The following FHIT variants were observed in gnomAD, a reference collection of about 807,000 sequenced individuals.
FHIT encodes bis(5'-adenosyl)-triphosphatase.
A neutral mutation model predicts 17.9 loss-of-function variants in FHIT; 19 were observed. The ratio of observed to expected loss-of-function variants is 1.06; its 90% CI spans 0.74 to 1.56. The LOEUF (loss-of-function observed/expected upper bound fraction) is 1.56, where lower values mean the gene tolerates loss of function less well. Among genes scored for constraint, FHIT ranks in the 40% most tolerant of loss-of-function variants. FHIT has a pLI of 0.00. For synonymous variants in FHIT, 81 were observed against 69.7 expected, an observed-to-expected ratio of 1.16 and a Z score of -0.81; for missense variants, 248 against 189.2, an observed-to-expected ratio of 1.31 and a Z score of -1.82.
At chr3:60,014,226 G>A (rs750899549) in intron 5 of FHIT, 74 bp from the exon 6 acceptor site, 44 of 1,485,594 alleles carry the variant, frequency 3.0e-5, no homozygotes, top group Non-Finnish European at 3.6e-5. Context: ...ATACCCACAG[G>A]ATTGAATCCT....
At chr3:60,917,778 T>G (rs1707082769) in intron 3 of FHIT, among the ~76,000 whole-genome samples, 2 of 152,234 alleles carry the variant, frequency 1.3e-5, no homozygotes, top group African/African-American at 2.4e-5. Context: ...CTTATATCAT[T>G]TAACTCCACT....
chr3:61,204,218 G>A (rs958472126), intron 1 of FHIT, among the ~76,000 whole-genome samples: 4 of 152,152 alleles, frequency 2.6e-5, no homozygotes, highest in Non-Finnish European at 4.4e-5. Flanking sequence ...AATTTACACA[G>A]AATTCAGGCT....
At chr3:60,663,162 C>A (rs13323742) in intron 4 of FHIT, among the ~76,000 whole-genome samples, 2,597 of 29,458 alleles carry the variant, frequency 0.088, 133 homozygotes, top group African/African-American at 0.18. Context: ...AGATATATAT[C>A]TCTTTAATGT....
intron 4 of FHIT, among the ~76,000 whole-genome samples, chr3:60,783,503 G>C (rs1028784955): frequency 6.6e-6 from 1 of 152,204 alleles, no homozygotes; most frequent in South Asian, 2.1e-4. Flanking sequence ...AATAGTGATT[G>C]ATGAGGCCCT....
chr3:60,217,078 G>A (rs2107526991), intron 5 of FHIT, among the ~76,000 whole-genome samples: 1 of 152,302 alleles, frequency 6.6e-6, no homozygotes, highest in African/African-American at 2.4e-5. Flanking sequence ...GCATTAGCAT[G>A]TTGAATAATT....
intron 3 of FHIT, among the ~76,000 whole-genome samples, chr3:60,967,005 T>A (rs1297883178): frequency 1.3e-5 from 2 of 152,194 alleles, no homozygotes; most frequent in Non-Finnish European, 2.9e-5. Context: ...TCCACAATGG[T>A]CAGTATGGGG....
chr3:59,788,681 C>T (rs1055030352), intron 8 of FHIT, among the ~76,000 whole-genome samples: 1 of 152,068 alleles, frequency 6.6e-6, no homozygotes, highest in African/African-American at 2.4e-5. Context: ...CTGCACCCAG[C>T]CCAGGGCCTG....
chr3:60,977,967 A>G (rs1710334760), intron 3 of FHIT, among the ~76,000 whole-genome samples: 1 of 152,230 alleles, frequency 6.6e-6, no homozygotes, highest in African/African-American at 2.4e-5. Context: ...CCCTTGTCAG[A>G]AATTCCTATT....
At chr3:60,934,133 A>G (rs1332682224) in intron 3 of FHIT, among the ~76,000 whole-genome samples, 1 of 152,174 alleles carries the variant, frequency 6.6e-6, no homozygotes, top group African/African-American at 2.4e-5. Flanking sequence ...ACCAGAATGA[A>G]ATAAGTACGT....
chr3:60,460,325 C>A (rs12638665), intron 5 of FHIT, among the ~76,000 whole-genome samples: 1 of 151,798 alleles, frequency 6.6e-6, no homozygotes, highest in African/African-American at 2.4e-5. Flanking sequence ...AAAGAAGTTC[C>A]ACGGCTTTGG....
intron 4 of FHIT, among the ~76,000 whole-genome samples, chr3:60,650,569 T>C (rs1156933071): frequency 1.3e-5 from 2 of 152,314 alleles, no homozygotes; most frequent in East Asian, 1.9e-4. Context: ...TGATGTGACA[T>C]ACAGAGAGAA....
intron 7 of FHIT, among the ~76,000 whole-genome samples, chr3:59,947,331 T>C (rs1419355485): frequency 6.6e-6 from 1 of 152,286 alleles, no homozygotes; most frequent in East Asian, 1.9e-4. Flanking sequence ...GGGGAGTTTT[T>C]TGGTATTTCT....
At chr3:60,063,604 G>A (rs1402753045) in intron 5 of FHIT, among the ~76,000 whole-genome samples, 1 of 152,146 alleles carries the variant, frequency 6.6e-6, no homozygotes, top group African/African-American at 2.4e-5. Context: ...TAAAAGAAAG[G>A]AATGAAGAGA....
intron 3 of FHIT, among the ~76,000 whole-genome samples, chr3:60,962,679 T>G (rs1553781480): frequency 2.6e-5 from 4 of 152,236 alleles, no homozygotes; most frequent in Non-Finnish European, 4.4e-5. Flanking sequence ...CTGCATCTAC[T>G]GAGATAATCA....
intron 3 of FHIT, among the ~76,000 whole-genome samples, chr3:61,027,096 C>CT (rs1223411462): frequency 4.0e-5 from 6 of 151,550 alleles, no homozygotes; most frequent in East Asian, 3.9e-4. Flanking sequence ...ATACTTTTTT[C>CT]TTTTTTTTGA....
intron 3 of FHIT, among the ~76,000 whole-genome samples, chr3:61,005,397 GGAT>G (rs1312262681): frequency 6.6e-6 from 1 of 152,050 alleles, no homozygotes; most frequent in African/African-American, 2.4e-5. Flanking sequence ...AGGAGGAGCA[GGAT>G]GATAATGATT....
chr3:60,412,241 C>T (rs17063018), intron 5 of FHIT, among the ~76,000 whole-genome samples: 34,373 of 151,916 alleles, frequency 0.23, 4,329 homozygotes, highest in Non-Finnish European at 0.29. Context: ...GTAAATAAAA[C>T]AAAGGCAGTA....
intron 5 of FHIT, among the ~76,000 whole-genome samples, chr3:60,104,146 A>G (rs939001906): frequency 4.6e-5 from 7 of 152,208 alleles, no homozygotes; most frequent in African/African-American, 1.7e-4. Context: ...AAAAAGTCCT[A>G]TCAAACCAGT....
intron 5 of FHIT, among the ~76,000 whole-genome samples, chr3:60,213,893 T>C (rs1047960718): frequency 6.6e-6 from 1 of 152,148 alleles, no homozygotes; most frequent in Non-Finnish European, 1.5e-5. Context: ...TATCTACATC[T>C]CCTATCTCTA....
Sources: gnomAD v4.1 joint callset for allele counts (sites outside exome capture counted in the v4.1 genomes callset) on GRCh38, gnomAD v4.1.1 for gene constraint, MANE v1.5 for transcripts, NCBI Gene and HGNC (gene_info 2026-07-23, HGNC 2026-07-21) for gene names.